Variants in SRGAP3 observed in about 807,000 individuals in gnomAD.
SRGAP3 encodes SLIT-ROBO Rho GTPase activating protein 3, also known as SLIT-ROBO Rho GTPase-activating protein 3.
A neutral mutation model predicts 121.1 loss-of-function variants in SRGAP3; 39 were observed. The ratio of observed to expected loss-of-function variants is 0.32; its 90% CI spans 0.25 to 0.42. The LOEUF is 0.42. SRGAP3 is among the 10% of genes least tolerant of loss of function. The probability of loss-of-function intolerance (pLI) is 1.00; values close to 1 mark genes in which losing one functional copy is unlikely to be tolerated. For synonymous variants in SRGAP3, 601 were observed against 570.0 expected (o/e 1.05, Z -0.77); for missense variants, 1,213 against 1,470.6 (o/e 0.82, Z 2.86).
rs2030123025 is a variant in SRGAP3, at chr3:9,351,191, C to A, written n.214+11649G>T. Reference sequence around the variant, plus strand: ...TAGGGGGTCAAAGTAAATCATAAACCCAGCCGAGATACCACCTTTTCTAGA... The same window carrying A: ...TAGGGGGTCAAAGTAAATCATAAACACAGCCGAGATACCACCTTTTCTAGA... On this transcript the variant is annotated intron_variant and non_coding_transcript_variant, in intron 1 of 3. Transcript: ENST00000490889. Among the ~76,000 whole-genome samples the A allele has an allele frequency of 2.0e-5, 3 of 152,052 alleles. No homozygotes were observed. The South Asian group carries it at 6.2e-4, about 32-fold the overall frequency.
At chr3:9,273,390 A>G (rs1386912479) in intron 3 of SRGAP3, among the ~76,000 whole-genome samples, 1 of 152,198 alleles carries the variant, frequency 6.6e-6, no homozygotes, top group Non-Finnish European at 1.5e-5. Context: ...ACATTTATGT[A>G]TCTTCTTTCA....
chr3:9,322,298 G>A (rs554774574), intron 3 of SRGAP3, among the ~76,000 whole-genome samples: 24 of 151,976 alleles, frequency 1.6e-4, no homozygotes, highest in African/African-American at 5.8e-4. Context: ...ATGGATTTAA[G>A]GTGGATTGGA....
intron 20 of SRGAP3, chr3:8,992,557 T>G: frequency 2.4e-6 from 1 of 424,928 alleles, no homozygotes; most frequent in Non-Finnish European, 4.4e-6. Flanking sequence ...ATATAACAAC[T>G]CAGTTCTACA....
At chr3:9,161,626 C>T (rs926734710) in intron 1 of SRGAP3, among the ~76,000 whole-genome samples, 2 of 152,166 alleles carry the variant, frequency 1.3e-5, no homozygotes, top group African/African-American at 2.4e-5. Context: ...TTCTCGGAAA[C>T]CAGGGTAGTT....
chr3:9,076,802 G>A (rs76716160), intron 4 of SRGAP3, among the ~76,000 whole-genome samples: 1,617 of 150,934 alleles, frequency 0.011, 26 homozygotes, highest in African/African-American at 0.037. Flanking sequence ...TGGTTGGCCA[G>A]GGGCTCTGGG....
At chr3:9,241,128 T>C (rs1953620117) in intron 1 of SRGAP3, among the ~76,000 whole-genome samples, 1 of 152,216 alleles carries the variant, frequency 6.6e-6, no homozygotes, top group Admixed American at 6.5e-5. Context: ...ATTTGTTTTA[T>C]TTCTCTGAAC....
rs752982204 is a variant in SRGAP3 at position 8,990,690 on chromosome 3, C to T, written c.2708G>A (p.Arg903Gln). The T allele has an allele frequency of 6.2e-6, 10 of 1,613,160 alleles. No homozygotes were observed. The highest frequency in any genetic ancestry group is 3.3e-5 in the South Asian group (3 of 90,996). Residue 903 changes from arginine to glutamine, a missense_variant, in exon 21 of 22, where the codon CGG becomes CAG. Coordinates refer to ENST00000383836, the MANE Select transcript of SRGAP3 (RefSeq NM_014850.4). ...CTTCTCAGGGCTCTCGATCCTCCCCCGGGTGAGGGGGATTTTGTGGGGGCT... is the reference window on the plus strand; with the variant it reads ...CTTCTCAGGGCTCTCGATCCTCCCCTGGGTGAGGGGGATTTTGTGGGGGCT... ...PSSPHKIPLT[R>Q]GRIESPEKRR...
chr3:9,292,619 A>G (rs1054449189), intron 3 of SRGAP3: 2 of 152,210 alleles, frequency 1.3e-5, no homozygotes, highest in Non-Finnish European at 2.9e-5. Flanking sequence ...TTATTAATCA[A>G]AGACAACGGT....
intron 10 of SRGAP3, among the ~76,000 whole-genome samples, chr3:9,039,111 C>T (rs1446300919): frequency 6.6e-6 from 1 of 152,194 alleles, no homozygotes; most frequent in Non-Finnish European, 1.5e-5. Flanking sequence ...ACAAGGATCT[C>T]CTTGAGGCTG....
At chr3:9,071,647 GAT>G (rs1946725678) in intron 4 of SRGAP3, among the ~76,000 whole-genome samples, 1 of 79,566 alleles carries the variant, frequency 1.3e-5, no homozygotes, top group East Asian at 2.4e-4. Flanking sequence ...AAGGTGGATG[GAT>G]GGATGGATGG....
intron 3 of SRGAP3, among the ~76,000 whole-genome samples, chr3:9,324,015 G>C (rs910386371): frequency 6.6e-6 from 1 of 151,800 alleles, no homozygotes; most frequent in Non-Finnish European, 1.5e-5. Context: ...AGACAAAAAA[G>C]GTAAAGTGAC....
chr3:9,026,119 C>G lies in SRGAP3; in HGVS notation c.1601-781G>C, dbSNP rs574836487. On this transcript the variant is annotated intron_variant, in intron 13 of 21. Transcript: ENST00000383836. ...GCCTTTCCACTCGCCATCCTCCATT[C>G]TCTCCACCTGGACTGCATAGCTGGC... Among the ~76,000 whole-genome samples, 3 of 152,310 alleles carry G rather than the reference C, an allele frequency of 2.0e-5. No individual in the cohort carries two copies. The South Asian group carries it at 6.2e-4, about 32-fold the overall frequency.
intron 2 of SRGAP3, among the ~76,000 whole-genome samples, chr3:9,329,103 C>T (rs567033890): frequency 2.6e-5 from 4 of 152,150 alleles, no homozygotes; most frequent in Non-Finnish European, 5.9e-5. Flanking sequence ...ACGTTTTATC[C>T]TAAGGTACTC....
At chr3:9,173,065 CCAGCCGAGTCAG>C (rs1200821614) in intron 1 of SRGAP3, among the ~76,000 whole-genome samples, 3 of 152,194 alleles carry the variant, frequency 2.0e-5, no homozygotes, top group African/African-American at 7.2e-5. Context: ...TGCACCAGGG[CCAGCCGAGTCAG>C]CTGGCCTGGC....
At chr3:9,087,132 A>G (rs1189803700) in intron 3 of SRGAP3, among the ~76,000 whole-genome samples, 1 of 152,126 alleles carries the variant, frequency 6.6e-6, no homozygotes, top group African/African-American at 2.4e-5. Context: ...GTGTATATAT[A>G]TGTGTTTGCT....
intron 1 of SRGAP3, among the ~76,000 whole-genome samples, chr3:9,172,749 C>T (rs1036487508): frequency 3.3e-5 from 5 of 152,176 alleles, no homozygotes; most frequent in Non-Finnish European, 5.9e-5. Context: ...AGGATCAAAA[C>T]GACAAAGTGC....
chr3:9,349,283 C>G, intron 1 of SRGAP3: 2 of 452,452 alleles, frequency 4.4e-6, no homozygotes, highest in Non-Finnish European at 8.4e-6. Flanking sequence ...ACACTGACCA[C>G]ATCTGTAGGC....
At chr3:9,081,032 A>G (rs1432334706) in intron 3 of SRGAP3, among the ~76,000 whole-genome samples, 1 of 152,208 alleles carries the variant, frequency 6.6e-6, no homozygotes, top group Non-Finnish European at 1.5e-5. Context: ...GTCTTCCACA[A>G]AACTGGTCCC....
chr3:9,082,059 T>C (rs971346994), intron 3 of SRGAP3, among the ~76,000 whole-genome samples: 2 of 152,158 alleles, frequency 1.3e-5, no homozygotes, highest in Admixed American at 6.5e-5. Context: ...TGGCAGGAGA[T>C]GTTTGCATCA....
Sources: gnomAD v4.1 joint callset for allele counts (sites outside exome capture counted in the v4.1 genomes callset) on GRCh38, gnomAD v4.1.1 for gene constraint, MANE v1.5 for transcripts, NCBI Gene and HGNC (gene_info 2026-07-23, HGNC 2026-07-21) for gene names.